CTCFL: variants seen among roughly 807,000 people sequenced by gnomAD.
CTCFL encodes CCCTC-binding factor like.
Under a neutral mutation model 67.4 loss-of-function variants are expected in CTCFL, and 36 were observed. The ratio of observed to expected loss-of-function variants is 0.53; its 90% confidence interval spans 0.41 to 0.71. The LOEUF (loss-of-function observed/expected upper bound fraction) is 0.71. Ranked by LOEUF, CTCFL falls within the 30% of genes least tolerant of loss-of-function variation. The pLI is 0.00. For synonymous variants in CTCFL, 324 were observed against 302.3 expected, an observed-to-expected ratio of 1.07 and a Z score of -0.75; for missense variants, 786 against 835.2, an observed-to-expected ratio of 0.94 and a Z score of 0.73.
At chr20:57,496,304 C>T (rs1334186534), downstream of CTCFL, 1 of 693,810 alleles carries the variant, frequency 1.4e-6, no homozygotes, top group African/African-American at 1.8e-5. Flanking sequence ...TGTAAGTTTC[C>T]TGAGGCCTCC....
chr20:57,499,466 A>G (rs575739714), intron 10 of CTCFL: 1 of 153,438 alleles, frequency 6.5e-6, no homozygotes, highest in Admixed American at 6.5e-5. Context: ...ACTGTCCCCA[A>G]CCTTTTCAGT....
chr20:57,523,719 C>G lies in CTCFL; in HGVS notation c.487G>C (p.Ala163Pro). The G allele has an allele frequency of 6.2e-7, 1 of 1,613,282 alleles. No individual in the cohort carries two copies. The highest frequency in any genetic ancestry group is 8.5e-7 in the Non-Finnish European group (1 of 1,179,988). Reference protein sequence around the residue: ...FHALEENVMVASEDSKLAVSL... With the variant: ...FHALEENVMVPSEDSKLAVSL... Reference sequence around the variant, plus strand: ...ACCGCTAACTTACTGTCTTCACTGGCCACCATCACATTCTCCTCTAGAGCG... The same window carrying G: ...ACCGCTAACTTACTGTCTTCACTGGGCACCATCACATTCTCCTCTAGAGCG... Residue 163 changes from alanine (A) to proline (P), a missense_variant, in exon 2 of 11, where the codon GCC (alanine) becomes CCC (proline). This residue lies in a region of CTCFL where 333 missense variants were observed against 304.6 expected (regional missense o/e 1.09). Transcript: ENST00000243914.
intron 10 of CTCFL, 102 bp from the exon 11 acceptor site, chr20:57,498,803 CA>C: frequency 3.0e-6 from 3 of 1,010,442 alleles, no homozygotes; most frequent in Non-Finnish European, 4.5e-6. Context: ...TAAATTTGAA[CA>C]CGGCAGCAAG....
chr20:57,502,028 GA>G (rs2067944122), intron 10 of CTCFL, among the ~76,000 whole-genome samples: 1 of 152,240 alleles, frequency 6.6e-6, no homozygotes, highest in South Asian at 2.1e-4. Flanking sequence ...GAGGAGAAAG[GA>G]GGGTGCTCCG....
In CTCFL at chr20:57,524,186, G is replaced by GA; in HGVS notation, c.19dup (p.Ser7PhefsTer5). On this transcript the variant is annotated frameshift_variant, in exon 2 of 11. Coordinates refer to ENST00000243914, the MANE Select transcript of CTCFL (RefSeq NM_001386993.1). LOFTEE classifies it high-confidence loss of function. Reference sequence around the variant, plus strand: ...CTTGGTGAATTGCTCAGAAAGGACAGAGATCTCAGTGGCTGCCATAATGAC... The same window carrying GA: ...CTTGGTGAATTGCTCAGAAAGGACAGAAGATCTCAGTGGCTGCCATAATGAC... 6.2e-7 allele frequency: 1 copy of GA among 1,613,124 alleles called. No individual in the cohort carries two copies. Among genetic ancestry groups the GA allele is most frequent in the Non-Finnish European group, 8.5e-7 (1 of 1,179,894 alleles).
chr20:57,510,268 T>C (rs1275644402), intron 8 of CTCFL, among the ~76,000 whole-genome samples: 2 of 152,326 alleles, frequency 1.3e-5, no homozygotes, highest in South Asian at 2.1e-4. Context: ...CTTTTATGTA[T>C]ACAGGTGGCA....
At chr20:57,499,123 CTATAGGTGA>C (rs1380981071) in intron 10 of CTCFL, among the ~76,000 whole-genome samples, 6 of 148,596 alleles carry the variant, frequency 4.0e-5, no homozygotes, top group Non-Finnish European at 7.4e-5. Flanking sequence ...GCATCAGCTG[CTATAGGTGA>C]ATGTGGATCT....
chr20:57,500,759 G>A (rs538504532), intron 10 of CTCFL, among the ~76,000 whole-genome samples: 2 of 152,240 alleles, frequency 1.3e-5, no homozygotes, highest in East Asian at 1.9e-4. Context: ...AAATGTCACC[G>A]ACTGAGGGTG....
rs2067768000 is a variant in CTCFL at position 57,498,706 on chromosome 20, AG to A, written c.1841-6del. ...AAGCCTCCTCAGCAGCAGCTTCTTGAGAAAAAGTCCAGGATGAGCAAATTTA... is the reference window on the plus strand; with the variant it reads ...AAGCCTCCTCAGCAGCAGCTTCTTGAAAAAAGTCCAGGATGAGCAAATTTA... On this transcript the variant is annotated splice_region_variant and splice_polypyrimidine_tract_variant and intron_variant, in intron 10 of 10. Coordinates refer to ENST00000243914, the MANE Select transcript of CTCFL (RefSeq NM_001386993.1). The A allele has an allele frequency of 6.2e-7, 1 of 1,610,178 alleles. No homozygotes were observed. Among genetic ancestry groups the A allele is most frequent in the African/African-American group, 1.3e-5 (1 of 74,760 alleles).
rs1175515985 is a variant in CTCFL, at chr20:57,524,151, G to A, written c.55C>T (p.Leu19Phe). ...AGGCCTTTTTCCGGCATCAACTCGA[G>A]TTCTTTGATCTTGGTGAATTGCTCA... ...LSEQFTKIKE[L>F]ELMPEKGLKE... Residue 19 changes from leucine to phenylalanine, a missense_variant, in exon 2 of 11, where the codon CTC becomes TTC. This residue lies in a region of CTCFL where 333 missense variants were observed against 304.6 expected (regional missense o/e 1.09). Transcript: ENST00000243914. 2 of 1,613,466 alleles carry A rather than the reference G, an allele frequency of 1.2e-6. No homozygotes were observed. Among genetic ancestry groups the A allele is most frequent in the African/African-American group, 1.3e-5 (1 of 74,954 alleles).
At chr20:57,510,841 G>A (rs1157779023) in intron 8 of CTCFL, among the ~76,000 whole-genome samples, 1 of 152,042 alleles carries the variant, frequency 6.6e-6, no homozygotes, top group East Asian at 1.9e-4. Context: ...GGGCAACAGA[G>A]TGAGACTCCG....
intron 2 of CTCFL, 42 bp from the exon 3 acceptor site, chr20:57,523,320 A>G: frequency 3.9e-6 from 6 of 1,554,154 alleles, no homozygotes; most frequent in Non-Finnish European, 5.3e-6. Context: ...TATTGATTTC[A>G]GTATAATTAG....
At chr20:57,524,260 G>C (rs1464109858) in intron 1 of CTCFL, 44 bp from the exon 2 acceptor site, 1 of 1,561,630 alleles carries the variant, frequency 6.4e-7, no homozygotes, top group African/African-American at 1.4e-5. Flanking sequence ...GGGGAGAAGG[G>C]GGTGGTATGA....
In CTCFL at chr20:57,514,720, T is replaced by A; in HGVS notation, c.1202A>T (p.His401Leu). 1 of 1,614,158 alleles carries A rather than the reference T, an allele frequency of 6.2e-7. No individual in the cohort carries two copies. The highest frequency in any genetic ancestry group is 8.5e-7 in the Non-Finnish European group (1 of 1,180,018). Reference sequence around the variant, plus strand: ...CTGGGTGAAGCGGGTGTGGCAGATGTGGCATTCGTAAGGCTTCTCACCTGA... The same window carrying A: ...CTGGGTGAAGCGGGTGTGGCAGATGAGGCATTCGTAAGGCTTCTCACCTGA... The part of the protein sequence containing the change: ...THSGEKPYEC[H>L]ICHTRFTQSG... Residue 401 changes from histidine to leucine, a missense_variant, in exon 7 of 11, where the codon CAC (histidine) becomes CTC (leucine). His to Leu is a moderately conservative substitution (Grantham distance 99). Coordinates refer to ENST00000243914, the MANE Select transcript of CTCFL (RefSeq NM_001386993.1).
At chr20:57,523,348 G>A (rs1268226698) in intron 2 of CTCFL, 70 bp from the exon 3 acceptor site, 9 of 1,398,778 alleles carry the variant, frequency 6.4e-6, no homozygotes, top group Non-Finnish European at 6.9e-6. Context: ...CCTGGATGAA[G>A]CACAGAATAC....
rs2068732122 is a variant in CTCFL, at chr20:57,514,004, T to C, written c.1330+588A>G. 3 of 740,952 alleles carry C rather than the reference T, an allele frequency of 4.0e-6. No individual in the cohort carries two copies. The South Asian group carries it at 5.0e-5, about 12-fold the overall frequency. The allele number at this position is 740,952 out of a possible 1,614,324, so 45.9% of individuals were successfully genotyped here. ...CCTGCTGTTCCAAGACCCTCTGGAT[T>C]CCCTCTCCCACTCTGTGGGGTGTGA... On this transcript the variant is annotated intron_variant, in intron 7 of 10. Coordinates refer to ENST00000243914, the MANE Select transcript of CTCFL (RefSeq NM_001386993.1).
chr20:57,515,526 G>T (rs1194914786), intron 6 of CTCFL, 188 bp downstream of exon 6: 6 of 656,460 alleles, frequency 9.1e-6, no homozygotes, highest in Non-Finnish European at 1.3e-5. Flanking sequence ...TTGTGGCACA[G>T]TATCTATGCA....
intron 7 of CTCFL, among the ~76,000 whole-genome samples, chr20:57,514,197 G>A (rs1238608925): frequency 6.6e-6 from 1 of 152,178 alleles, no homozygotes; most frequent in Admixed American, 6.5e-5. Context: ...GCCATAGATA[G>A]AGCACTGATA....
intron 7 of CTCFL, 106 bp from the exon 8 acceptor site, chr20:57,512,858 C>A: frequency 9.5e-7 from 1 of 1,050,754 alleles, no homozygotes; most frequent in Admixed American, 2.1e-5. Context: ...CTGGAACATG[C>A]TAGTTCCTTC....
Sources: allele counts gnomAD v4.1 joint callset (sites outside exome capture counted in the v4.1 genomes callset), GRCh38; gene constraint gnomAD v4.1.1; regional missense constraint gnomAD v4.1.1; transcripts MANE v1.5; gene names NCBI Gene and HGNC (gene_info 2026-07-23, HGNC 2026-07-21).